KHDRBS3: variants seen among roughly 807,000 people sequenced by gnomAD.
The protein encoded by KHDRBS3 is KH RNA binding domain containing, signal transduction associated 3, also known as KH domain-containing, RNA-binding, signal transduction-associated protein 3.
KHDRBS3 carries 23 observed loss-of-function variants against 45.6 expected under a neutral mutation model. That is an observed-to-expected ratio of 0.50 (90% CI 0.36 to 0.72). The LOEUF is 0.72. Ranked by LOEUF, KHDRBS3 falls within the 30% of genes least tolerant of loss-of-function variation. The probability of loss-of-function intolerance (pLI) is 0.00; values close to 1 mark genes in which losing one functional copy is unlikely to be tolerated. For synonymous variants in KHDRBS3, 162 were observed against 156.5 expected (o/e 1.04, Z -0.26); for missense variants, 352 against 424.8 (o/e 0.83, Z 1.51).
At chr8:135,637,727 C>G (rs1470940110) in intron 7 of KHDRBS3, among the ~76,000 whole-genome samples, 1 of 152,136 alleles carries the variant, frequency 6.6e-6, no homozygotes, top group African/African-American at 2.4e-5. Context: ...TGTTGGAATG[C>G]TGCTACATGC....
chr8:135,472,062 C>T (rs1261943522), intron 1 of KHDRBS3, among the ~76,000 whole-genome samples: 1 of 152,160 alleles, frequency 6.6e-6, no homozygotes, highest in Non-Finnish European at 1.5e-5. Context: ...TTGTGGATGA[C>T]AGCAATGAAT....
At chr8:135,480,794 G>A (rs910534014) in intron 1 of KHDRBS3, among the ~76,000 whole-genome samples, 27 of 151,994 alleles carry the variant, frequency 1.8e-4, no homozygotes, top group African/African-American at 6.3e-4. Flanking sequence ...TTCTTAAGTC[G>A]TCAGAAAGTT....
At chr8:135,539,117 G>A (rs1825921884) in intron 2 of KHDRBS3, 1 of 152,186 alleles carries the variant, frequency 6.6e-6, no homozygotes, top group Non-Finnish European at 1.5e-5. Flanking sequence ...GGACACTTTG[G>A]TGAAGGGCAG....
At chr8:135,484,934 AT>A (rs1194594679) in intron 1 of KHDRBS3, among the ~76,000 whole-genome samples, 2 of 152,120 alleles carry the variant, frequency 1.3e-5, no homozygotes, top group Non-Finnish European at 2.9e-5. Context: ...TATAGATGCT[AT>A]TTGTCGAGTG....
At chr8:135,649,889 A>G (rs1010855749), downstream of KHDRBS3, among the ~76,000 whole-genome samples, 1 of 152,154 alleles carries the variant, frequency 6.6e-6, no homozygotes, top group African/African-American at 2.4e-5. Flanking sequence ...TGACCCAGAA[A>G]GGCCCAGATC....
chr8:135,466,257 A>G (rs1301676639), intron 1 of KHDRBS3, among the ~76,000 whole-genome samples: 2 of 152,184 alleles, frequency 1.3e-5, no homozygotes, highest in African/African-American at 2.4e-5. Context: ...CGCCTGAGGT[A>G]TGCCTGGCAC....
chr8:135,464,503 A>T lies in KHDRBS3; in HGVS notation c.88+6549A>T, dbSNP rs117450661. ...TATCACAAAAACAGTCGAGAGTATG[A>T]TATCAGGGATTTATAGTCAGTTTAT... On this transcript the variant is annotated intron_variant, in intron 1 of 8. Coordinates refer to ENST00000355849, the MANE Select transcript of KHDRBS3 (RefSeq NM_006558.3). Among the ~76,000 whole-genome samples, 88 of 152,326 alleles carry T rather than the reference A, an allele frequency of 5.8e-4. 1 individual carries two copies. In the East Asian group the frequency reaches 0.016, roughly 28 times the overall value.
chr8:135,548,953 A>G lies in KHDRBS3; in HGVS notation c.471+53A>G, dbSNP rs141722480. 4.0e-4 allele frequency: 526 copies of G among 1,302,868 alleles called. 4 individuals are homozygous for G. In the African/African-American group the frequency reaches 7.0e-3, roughly 17 times the overall value. 80.7% of individuals were successfully genotyped at this position (1,302,868 alleles called of 1,614,324 possible). A position where few individuals can be genotyped will look rare whatever the true frequency, so the allele number is the denominator to read the frequency against. On this transcript the variant is annotated intron_variant, in intron 4 of 8. Coordinates refer to ENST00000355849, the MANE Select transcript of KHDRBS3 (RefSeq NM_006558.3). ...CTTGTACTTTAAAGTCTTTGCTTTA[A>G]TCCTTGATACTTCTTGTCTGTAACT...
intron 1 of KHDRBS3, among the ~76,000 whole-genome samples, chr8:135,503,681 C>T (rs1181423607): frequency 5.9e-5 from 9 of 151,928 alleles, no homozygotes; most frequent in African/African-American, 2.2e-4. Flanking sequence ...TTAAGTAACT[C>T]ACCCAAATAA....
At chr8:135,588,367 C>T (rs574803826) in intron 6 of KHDRBS3, among the ~76,000 whole-genome samples, 6 of 152,290 alleles carry the variant, frequency 3.9e-5, no homozygotes, top group African/African-American at 1.2e-4. Context: ...GCCACCCTCG[C>T]GCGGCACCTC....
intron 5 of KHDRBS3, among the ~76,000 whole-genome samples, chr8:135,564,395 A>T (rs1209190202): frequency 6.6e-6 from 1 of 152,218 alleles, no homozygotes. Flanking sequence ...TTTCCTTTCA[A>T]TTATGATACA....
chr8:135,486,559 TTA>T (rs1382824169), intron 1 of KHDRBS3, among the ~76,000 whole-genome samples: 2 of 152,150 alleles, frequency 1.3e-5, no homozygotes. Context: ...TTGCCCAGGG[TTA>T]TATGACAGGT....
At chr8:135,630,548 G>A (rs905542031) in intron 7 of KHDRBS3, among the ~76,000 whole-genome samples, 6 of 146,440 alleles carry the variant, frequency 4.1e-5, no homozygotes, top group Non-Finnish European at 9.1e-5. Context: ...TCTGAGAAAT[G>A]CATCCTTAGG....
chr8:135,630,257 G>GAGT (rs1830538164), intron 7 of KHDRBS3, among the ~76,000 whole-genome samples: 1 of 152,176 alleles, frequency 6.6e-6, no homozygotes, highest in Non-Finnish European at 1.5e-5. Context: ...ACTCCCTGGG[G>GAGT]AGTATCTGGG....
chr8:135,540,729 C>T (rs893017831), intron 2 of KHDRBS3: 3 of 152,198 alleles, frequency 2.0e-5, no homozygotes, highest in East Asian at 1.9e-4. Flanking sequence ...CCAAGTGAAA[C>T]GAAATACAGA....
intron 7 of KHDRBS3, chr8:135,625,361 T>C: frequency 1.1e-6 from 1 of 905,776 alleles, no homozygotes; most frequent in Non-Finnish European, 1.8e-6. Flanking sequence ...TTTCTCCAAG[T>C]CTTCAACGGT....
At chr8:135,506,960 T>C (rs1396986963) in intron 1 of KHDRBS3, among the ~76,000 whole-genome samples, 1 of 152,212 alleles carries the variant, frequency 6.6e-6, no homozygotes, top group Non-Finnish European at 1.5e-5. Context: ...CAGCTGGCTT[T>C]CCTAGGCAGT....
chr8:135,493,102 G>A (rs1321189383), intron 1 of KHDRBS3, among the ~76,000 whole-genome samples: 1 of 150,804 alleles, frequency 6.6e-6, no homozygotes, highest in Non-Finnish European at 1.5e-5. Flanking sequence ...TTTTGAGATG[G>A]AGTCTCACTC....
chr8:135,585,022 G>C (rs1254616844), intron 6 of KHDRBS3, among the ~76,000 whole-genome samples: 6 of 150,810 alleles, frequency 4.0e-5, no homozygotes, highest in African/African-American at 1.5e-4. Flanking sequence ...AGGAGTTCAA[G>C]ACCAGCCTGG....
Sources: gnomAD v4.1 joint callset for allele counts (sites outside exome capture counted in the v4.1 genomes callset) on GRCh38, gnomAD v4.1.1 for gene constraint, MANE v1.5 for transcripts, NCBI Gene and HGNC (gene_info 2026-07-23, HGNC 2026-07-21) for gene names.